The following CABYR variants were observed in gnomAD, a reference collection of about 807,000 sequenced individuals.
The protein encoded by CABYR is calcium-binding tyrosine phosphorylation-regulated protein.
Under a neutral mutation model 36.1 loss-of-function variants are expected in CABYR, and 31 were observed. The ratio of observed to expected loss-of-function variants is 0.86; its 90% CI spans 0.64 to 1.16. The LOEUF (loss-of-function observed/expected upper bound fraction) is 1.16. Ranked by LOEUF, CABYR falls within the 50% of genes most tolerant of loss-of-function variation. The pLI is 0.00. For synonymous variants in CABYR, 146 were observed against 160.7 expected (o/e 0.91, Z 0.69); for missense variants, 429 against 455.8 (o/e 0.94, Z 0.53).
intron 4 of CABYR, chr18:24,156,361 TTA>T (rs1483205008): frequency 6.2e-7 from 1 of 1,614,074 alleles, no homozygotes; most frequent in Admixed American, 1.7e-5. Context: ...GATATTGAGG[TTA>T]TGTCAACTGT....
intron 3 of CABYR, among the ~76,000 whole-genome samples, chr18:24,153,575 C>T (rs369798620): frequency 3.3e-5 from 5 of 152,140 alleles, no homozygotes; most frequent in African/African-American, 1.2e-4. Flanking sequence ...GGCCCTGCTA[C>T]AGCTGAGACT....
chr18:24,149,456 T>C (rs1441781692), intron 3 of CABYR, among the ~76,000 whole-genome samples: 3 of 152,188 alleles, frequency 2.0e-5, no homozygotes, highest in African/African-American at 7.2e-5. Flanking sequence ...GTTCTCCACG[T>C]CCCCACCAGA....
At chr18:24,145,271 A>C (rs966293976) in intron 3 of CABYR, among the ~76,000 whole-genome samples, 2 of 152,228 alleles carry the variant, frequency 1.3e-5, no homozygotes, top group Non-Finnish European at 2.9e-5. Flanking sequence ...CATTTCAGCT[A>C]TGATAGAGAA....
In CABYR at chr18:24,145,571, C is replaced by A. The variant is rs530561106; in HGVS notation, c.199+2158C>A. On this transcript the variant is annotated intron_variant, in intron 3 of 5. Transcript: ENST00000399496. ...GGAGGCATTTTCAGAGAAGGACCTC[C>A]AAAAGTTTGCACAAAAATTTCCCTT... Among the ~76,000 whole-genome samples, 11 of 152,248 alleles carry A rather than the reference C, an allele frequency of 7.2e-5. No homozygotes were observed. In the South Asian group the frequency reaches 1.9e-3, roughly 26 times the overall value.
At chr18:24,158,810 C>T (rs908272534) in intron 4 of CABYR, among the ~76,000 whole-genome samples, 1 of 152,170 alleles carries the variant, frequency 6.6e-6, no homozygotes, top group Non-Finnish European at 1.5e-5. Context: ...GTCACACTTG[C>T]ATTATAGATG....
intron 3 of CABYR, among the ~76,000 whole-genome samples, chr18:24,144,520 T>G (rs12455850): frequency 0.15 from 22,827 of 152,208 alleles, 2,819 homozygotes; most frequent in East Asian, 0.44. Context: ...TTCCAGCCTT[T>G]TGGAGGCTGA....
chr18:24,161,366 G>GAT, intron 5 of CABYR, 150 bp from the exon 6 acceptor site: 1 of 556,778 alleles, frequency 1.8e-6, no homozygotes. Flanking sequence ...AAATTGCTGG[G>GAT]ATATTTCAGT....
Position 24,155,741 on chromosome 18 carries a change from A to G in CABYR, c.240A>G (p.Leu80=). 1.9e-6 allele frequency: 3 copies of G among 1,611,924 alleles called. No homozygotes were observed. The highest frequency in any genetic ancestry group is 1.7e-6 in the Non-Finnish European group (2 of 1,179,276). The change falls in exon 4 of 6, where the codon TTA becomes TTG. Residue 80 remains leucine, a synonymous_variant. Transcript: ENST00000399496. The part of the protein sequence containing the change: ...WSEGTTPQKK[L]ECLKEPGKTS... ...AAGGAACGACACCACAGAAGAAATT[A>G]GAATGTTTAAAAGAACCAGGAAAAA...
intron 3 of CABYR, among the ~76,000 whole-genome samples, chr18:24,154,102 CAAAAAAAA>C (rs33985751): frequency 1.7e-5 from 1 of 57,422 alleles, no homozygotes; most frequent in South Asian, 9.6e-4. Flanking sequence ...GACTCCATCT[CAAAAAAAA>C]AAAAAAAAAA....
chr18:24,141,472 A>G lies in CABYR; in HGVS notation c.-24-1619A>G, dbSNP rs576244977. ...TATCCAGAATAGCTGTGGTTCTCCC[A>G]TACAACTGATGTGTTTTTCACCTCA... On this transcript the variant is annotated intron_variant, in intron 1 of 5. Transcript: ENST00000399496. Among the ~76,000 whole-genome samples the G allele has an allele frequency of 1.7e-4, 26 of 152,294 alleles. No individual in the cohort carries two copies. In the South Asian group the frequency reaches 5.4e-3, roughly 32 times the overall value.
intron 5 of CABYR, 100 bp downstream of exon 5, chr18:24,160,169 T>C: frequency 1.1e-6 from 1 of 896,438 alleles, no homozygotes; most frequent in African/African-American, 1.7e-5. Flanking sequence ...AAAAACAATT[T>C]GAGATAATAA....
intron 4 of CABYR, among the ~76,000 whole-genome samples, chr18:24,158,077 A>C (rs974597340): frequency 6.6e-6 from 1 of 152,172 alleles, no homozygotes; most frequent in African/African-American, 2.4e-5. Context: ...TTGTGGCTTA[A>C]GCAGCATATC....
chr18:24,156,510 G>A, intron 4 of CABYR: 5 of 1,613,980 alleles, frequency 3.1e-6, no homozygotes, highest in South Asian at 1.1e-5. Context: ...AAAAGAAAAT[G>A]AGCAGTCACC....
intron 1 of CABYR, among the ~76,000 whole-genome samples, chr18:24,142,052 C>T (rs998789066): frequency 2.0e-5 from 3 of 152,144 alleles, no homozygotes; most frequent in Non-Finnish European, 4.4e-5. Context: ...TGGTCGGGCA[C>T]GGTGGCTCAT....
At chr18:24,156,615 G>C in intron 4 of CABYR, 3 of 1,614,166 alleles carry the variant, frequency 1.9e-6, no homozygotes, top group East Asian at 2.2e-5. Context: ...GGAGGAGAAT[G>C]CAAAATATTC....
intron 5 of CABYR, 71 bp from the exon 6 acceptor site, chr18:24,161,442 ATCT>A (rs1555622128): frequency 9.1e-6 from 7 of 768,188 alleles, no homozygotes; most frequent in South Asian, 2.8e-5. Context: ...TGCATTTCTA[ATCT>A]TCTGCTCATT....
At chr18:24,151,544 GCT>G (rs1286310747) in intron 3 of CABYR, among the ~76,000 whole-genome samples, 1 of 152,154 alleles carries the variant, frequency 6.6e-6, no homozygotes, top group African/African-American at 2.4e-5. Flanking sequence ...TTAGAGAAAA[GCT>G]TTTTACCCTT....
intron 3 of CABYR, among the ~76,000 whole-genome samples, chr18:24,150,924 C>T (rs1398549696): frequency 2.6e-5 from 4 of 151,920 alleles, no homozygotes; most frequent in Non-Finnish European, 5.9e-5. Context: ...GGACTACAGG[C>T]GCCCGCCACC....
chr18:24,145,644 A>G (rs2085442402), intron 3 of CABYR, among the ~76,000 whole-genome samples: 1 of 152,132 alleles, frequency 6.6e-6, no homozygotes, highest in Non-Finnish European at 1.5e-5. Flanking sequence ...GTAAAGCTTG[A>G]GGAGGTTTAG....
Sources: gnomAD v4.1 joint callset for allele counts (sites outside exome capture counted in the v4.1 genomes callset) on GRCh38, gnomAD v4.1.1 for gene constraint, MANE v1.5 for transcripts, NCBI Gene and HGNC (gene_info 2026-07-23, HGNC 2026-07-21) for gene names.